CPLANE1: variants seen among roughly 807,000 people sequenced by gnomAD.
The protein encoded by CPLANE1 is ciliogenesis and planar polarity effector complex subunit 1, also known as ciliogenesis and planar polarity effector 1.
CPLANE1 carries 263 observed loss-of-function variants against 362.5 expected under a neutral mutation model. That is an observed-to-expected ratio of 0.73 (90% CI 0.66 to 0.80). The LOEUF is 0.80. Among genes scored for constraint, CPLANE1 ranks in the 30% least tolerant of loss-of-function variants. CPLANE1 has a pLI of 0.00. For synonymous variants in CPLANE1, 1,212 were observed against 1,302.6 expected (o/e 0.93, Z 1.50); for missense variants, 3,461 against 3,793.4 (o/e 0.91, Z 2.30).
intron 23 of CPLANE1, among the ~76,000 whole-genome samples, chr5:37,186,795 C>T (rs13185802): frequency 6.6e-6 from 1 of 152,126 alleles, no homozygotes; most frequent in Non-Finnish European, 1.5e-5. Flanking sequence ...CGCGGTGGCT[C>T]ACGCCTGTAA....
chr5:37,206,049 T>C (rs979444831), intron 17 of CPLANE1, 148 bp downstream of exon 17: 10 of 634,734 alleles, frequency 1.6e-5, no homozygotes, highest in South Asian at 4.0e-5. Flanking sequence ...GCTACCATAC[T>C]GGACAACACA....
chr5:37,231,083 G>A, intron 8 of CPLANE1, 34 bp from the exon 9 acceptor site: 2 of 1,431,488 alleles, frequency 1.4e-6, no homozygotes, highest in Non-Finnish European at 9.3e-7. Flanking sequence ...GTTTAGAAGA[G>A]ATACTTTACA....
At chr5:37,173,142 A>T (rs1477285133) in intron 32 of CPLANE1, among the ~76,000 whole-genome samples, 3 of 152,244 alleles carry the variant, frequency 2.0e-5, no homozygotes, top group Admixed American at 6.5e-5. Flanking sequence ...GTTTCTAAAA[A>T]GGTAAATAAT....
chr5:37,226,940 G>T lies in CPLANE1; in HGVS notation c.1655C>A (p.Thr552Lys), dbSNP rs77739540. ...CTCACTATCATCCTTTGCATGTATC[G>T]TATCAAACATAGATGCAAATTCCAA... ...GRLEFASMFDTIHAKDDSEET... is the reference protein window; with the variant it reads ...GRLEFASMFDKIHAKDDSEET... The change falls in exon 12 of 53, where the codon ACG becomes AAG. Residue 552 changes from threonine (T) to lysine (K), a missense_variant. Transcript: ENST00000651892. The T allele has an allele frequency of 1.3e-6, 2 of 1,551,776 alleles. No homozygotes were observed.
chr5:37,137,919 GTT>G (rs775799115), intron 46 of CPLANE1, among the ~76,000 whole-genome samples: 1 of 142,976 alleles, frequency 7.0e-6, no homozygotes, highest in African/African-American at 2.5e-5. Context: ...TATCAGGGTT[GTT>G]TTTTTTTTTT....
At chr5:37,133,462 T>C (rs1247276001) in intron 46 of CPLANE1, among the ~76,000 whole-genome samples, 1 of 151,904 alleles carries the variant, frequency 6.6e-6, no homozygotes, top group East Asian at 1.9e-4. Flanking sequence ...GTTTCGTAGT[T>C]CTCCTTGCTG....
At chr5:37,201,323 G>A (rs1789126173) in intron 19 of CPLANE1, among the ~76,000 whole-genome samples, 1 of 152,030 alleles carries the variant, frequency 6.6e-6, no homozygotes, top group African/African-American at 2.4e-5. Context: ...CCCAGGTCCT[G>A]AGCTAGAAGA....
chr5:37,213,604 G>T lies in CPLANE1; in HGVS notation c.2875C>A (p.Pro959Thr). ...YFTNQQLCIL[P>T]PHHVNVLPPL... ...GGAAGAACATTCACATGATGAGGGG[G>T]CAAAATGCAAAGCTGCTGATTGGTG... The change falls in exon 16 of 53, where the codon CCC becomes ACC. Residue 959 changes from proline to threonine, a missense_variant. Physicochemically the swap from Pro to Thr is conservative, Grantham distance 38 (BLOSUM62 -1). Coordinates refer to ENST00000651892, the MANE Select transcript of CPLANE1 (RefSeq NM_001384732.1). 6.5e-7 allele frequency: 1 copy of T among 1,545,984 alleles called. No individual in the cohort carries two copies. Among genetic ancestry groups the T allele is most frequent in the Non-Finnish European group, 8.7e-7 (1 of 1,143,504 alleles).
chr5:37,148,216 G>A lies in CPLANE1; in HGVS notation c.8426C>T (p.Thr2809Ile). 6.2e-7 allele frequency: 1 copy of A among 1,612,726 alleles called. No homozygotes were observed. Among genetic ancestry groups the A allele is most frequent in the East Asian group, 2.2e-5 (1 of 44,828 alleles). ...AATGCTAATGGTTTTTGAAGCTAAT[G>A]TTTTTTTGAATTCAGGGCCAGAAGA... Reference protein sequence around the residue: ...EFSSGPEFKKTLASKTISISE... With the variant: ...EFSSGPEFKKILASKTISISE... Residue 2809 changes from threonine (T) to isoleucine (I), a missense_variant, in exon 43 of 53, where the codon ACA (threonine) becomes ATA (isoleucine). By Grantham distance (89) the Thr-to-Ile change is moderately conservative. This residue lies in a region of CPLANE1 where 3,380 missense variants were observed against 3,666.1 expected (regional missense o/e 0.92). Coordinates refer to ENST00000651892, the MANE Select transcript of CPLANE1 (RefSeq NM_001384732.1).
intron 38 of CPLANE1, among the ~76,000 whole-genome samples, chr5:37,160,031 T>C (rs1384211290): frequency 6.6e-6 from 1 of 152,120 alleles, no homozygotes; most frequent in Non-Finnish European, 1.5e-5. Flanking sequence ...TACAGATAAT[T>C]AGATATTATG....
rs746251684 is a variant in CPLANE1 at position 37,121,812 on chromosome 5, A to T, written c.9018-28T>A. 4 of 1,583,060 alleles carry T rather than the reference A, an allele frequency of 2.5e-6. No individual in the cohort carries two copies. The Admixed American group carries it at 6.7e-5, about 27-fold the overall frequency. On this transcript the variant is annotated intron_variant, in intron 48 of 52. Transcript: ENST00000651892. ...GTAGACAAAGAATTAAGCATCATTT[A>T]TTAAGAGTCACTTTCAGTTCATCTA...
chr5:37,091,388 T>G, the CPLANE1 span, among the ~76,000 whole-genome samples: 1 of 152,148 alleles, frequency 6.6e-6, no homozygotes, highest in Non-Finnish European at 1.5e-5. Flanking sequence ...CTGAAAATGG[T>G]CCAGCTTATG....
At chr5:37,235,392 A>G (rs963404020) in intron 8 of CPLANE1, among the ~76,000 whole-genome samples, 1 of 152,110 alleles carries the variant, frequency 6.6e-6, no homozygotes, top group Non-Finnish European at 1.5e-5. Context: ...ATGCTTATGG[A>G]TTAAAAGGCC....
intron 36 of CPLANE1, among the ~76,000 whole-genome samples, chr5:37,165,142 G>A (rs181436793): frequency 2.0e-5 from 3 of 152,008 alleles, no homozygotes; most frequent in Non-Finnish European, 4.4e-5. Flanking sequence ...AAAAAAAGAC[G>A]TGACTTAAAA....
At chr5:37,224,200 G>A (rs1795960777) in intron 14 of CPLANE1, 53 bp downstream of exon 14, 1 of 1,218,314 alleles carries the variant, frequency 8.2e-7, no homozygotes, top group Non-Finnish European at 1.2e-6. Flanking sequence ...TCTACAGCAA[G>A]CTAAAAGGAG....
chr5:37,205,441 T>C lies in CPLANE1; in HGVS notation c.3163A>G (p.Ser1055Gly), dbSNP rs1266505643. 12 of 1,532,052 alleles carry C rather than the reference T, an allele frequency of 7.8e-6. No individual in the cohort carries two copies. Among genetic ancestry groups the C allele is most frequent in the Admixed American group, 2.1e-5 (1 of 46,626 alleles). 94.9% of individuals were successfully genotyped at this position (1,532,052 alleles called of 1,614,324 possible). ...DSNFMRSKKK[S>G]LNLPLRMTPA... ...GTCATACGGAGTGGTAGATTCAGAC[T>C]CTTTTTCTTGGACCTGAAATGACAT... The change falls in exon 18 of 53, where the codon AGT becomes GGT. Residue 1055 changes from serine (S) to glycine (G), a missense_variant. Physicochemically the swap from Ser to Gly is moderately conservative, Grantham distance 56. This residue lies in a region of CPLANE1 where 3,380 missense variants were observed against 3,666.1 expected (regional missense o/e 0.92). Transcript: ENST00000651892.
intron 46 of CPLANE1, among the ~76,000 whole-genome samples, chr5:37,136,270 T>A (rs373340691): frequency 4.6e-5 from 7 of 152,340 alleles, no homozygotes; most frequent in African/African-American, 1.7e-4. Flanking sequence ...GCTATCAGCC[T>A]CATACAAGTC....
intron 40 of CPLANE1, 114 bp downstream of exon 40, chr5:37,157,556 T>A (rs1775480223): frequency 8.8e-7 from 1 of 1,131,358 alleles, no homozygotes; most frequent in South Asian, 1.4e-5. Context: ...CATGTAAACA[T>A]CCAAAAATAC....
chr5:37,248,926 C>T (rs963682373), intron 1 of CPLANE1, among the ~76,000 whole-genome samples: 6 of 152,338 alleles, frequency 3.9e-5, no homozygotes, highest in Admixed American at 1.3e-4. Context: ...GCTCGAGAAG[C>T]TGGGGGACTC....
Sources: gnomAD v4.1 joint callset for allele counts (sites outside exome capture counted in the v4.1 genomes callset) on GRCh38, gnomAD v4.1.1 for gene constraint, gnomAD v4.1.1 regional missense constraint, MANE v1.5 for transcripts, NCBI Gene and HGNC (gene_info 2026-07-23, HGNC 2026-07-21) for gene names.